Variants in PCYT1B observed in about 807,000 individuals in gnomAD.
The protein encoded by PCYT1B is choline-phosphate cytidylyltransferase B.
PCYT1B carries 10 observed loss-of-function variants against 26.4 expected under a neutral mutation model. The observed-to-expected ratio is 0.38, with a 90% confidence interval of 0.23 to 0.64. The LOEUF is 0.64. Ranked by LOEUF, PCYT1B falls within the 30% of genes least tolerant of loss-of-function variation. The pLI is 0.56. For synonymous variants in PCYT1B, 131 were observed against 108.4 expected (o/e 1.21, Z -1.29); for missense variants, 161 against 292.7 (o/e 0.55, Z 3.28).
intron 3 of PCYT1B, among the ~76,000 whole-genome samples, chrX:24,603,260 G>A (rs890877584): frequency 8.9e-6 from 1 of 112,150 alleles, no homozygotes; most frequent in Non-Finnish European, 1.9e-5. Context: ...GAAGCATTTT[G>A]GAAATCTGTG....
chrX:24,609,440 AT>A (rs747989711), intron 2 of PCYT1B, among the ~76,000 whole-genome samples: 1 of 112,121 alleles, frequency 8.9e-6, no homozygotes, highest in East Asian at 2.8e-4. Context: ...AAGTGCTGGG[AT>A]TACAGGCGTG....
At chrX:24,588,819 A>G (rs1400528244) in intron 4 of PCYT1B, among the ~76,000 whole-genome samples, 1 of 111,989 alleles carries the variant, frequency 8.9e-6, no homozygotes, top group Non-Finnish European at 1.9e-5. Context: ...ACCCCAGTTG[A>G]GAATCACTGG....
At chrX:24,569,373 G>A in intron 7 of PCYT1B, among the ~76,000 whole-genome samples, 1 of 111,091 alleles carries the variant, frequency 9.0e-6, no homozygotes, top group Admixed American at 9.6e-5. Context: ...GGCCACTATG[G>A]AAAACAGTAA....
At chrX:24,563,001 A>G (rs777995164) in intron 7 of PCYT1B, among the ~76,000 whole-genome samples, 112 of 111,625 alleles carry the variant, frequency 1.0e-3, no homozygotes, top group African/African-American at 3.4e-3. Flanking sequence ...TGCTGGGATT[A>G]CAGGCGTGAG....
chrX:24,634,037 C>T (rs1006490910), intron 1 of PCYT1B, among the ~76,000 whole-genome samples: 3 of 110,842 alleles, frequency 2.7e-5, no homozygotes, highest in Admixed American at 9.7e-5. Flanking sequence ...GATCCTCTTG[C>T]GTCAGCCTCC....
At chrX:24,635,928 G>T (rs1369091573) in intron 1 of PCYT1B, among the ~76,000 whole-genome samples, 1 of 112,004 alleles carries the variant, frequency 8.9e-6, no homozygotes, top group African/African-American at 3.2e-5. Context: ...AGGTACTCTT[G>T]CTACCTAACC....
intron 1 of PCYT1B, among the ~76,000 whole-genome samples, chrX:24,631,752 G>A (rs1191872981): frequency 8.9e-6 from 1 of 111,895 alleles, no homozygotes; most frequent in Non-Finnish European, 1.9e-5. Context: ...GATCACCTGA[G>A]GTCAGGAGTT....
At chrX:24,587,598 C>T (rs1277051618) in intron 4 of PCYT1B, among the ~76,000 whole-genome samples, 2 of 111,779 alleles carry the variant, frequency 1.8e-5, no homozygotes, top group African/African-American at 6.5e-5. Flanking sequence ...GTCTTCTGTC[C>T]TTCTGCATCT....
chrX:24,651,537 CT>C (rs372116194), upstream of PCYT1B, among the ~76,000 whole-genome samples: 999 of 58,387 alleles, frequency 0.017, 13 homozygotes, highest in Non-Finnish European at 0.021. Flanking sequence ...ATATATTATT[CT>C]TTTTTTTTTT....
intron 1 of PCYT1B, among the ~76,000 whole-genome samples, chrX:24,624,493 C>G (rs2148258482): frequency 8.9e-6 from 1 of 111,951 alleles, no homozygotes; most frequent in South Asian, 3.7e-4. Context: ...TTCCCTTTTG[C>G]CTCTCCAGAA....
upstream of PCYT1B, chrX:24,647,371 T>G (rs1372040646): frequency 1.8e-5 from 13 of 742,652 alleles, no homozygotes; most frequent in African/African-American, 2.2e-5. Flanking sequence ...CGGGATACAG[T>G]ATCTCATTTG....
At chrX:24,630,773 GAAAAAGCACAGCATTT>G (rs1330435117) in intron 1 of PCYT1B, among the ~76,000 whole-genome samples, 1 of 112,158 alleles carries the variant, frequency 8.9e-6, no homozygotes, top group Non-Finnish European at 1.9e-5. Flanking sequence ...AGCTATTGAG[GAAAAAGCACAGCATTT>G]TCCTGATGCT....
intron 1 of PCYT1B, among the ~76,000 whole-genome samples, chrX:24,629,559 CAAAAAAAA>C (rs1165553186): frequency 1.2e-4 from 2 of 16,100 alleles, no homozygotes; most frequent in Non-Finnish European, 2.1e-4. Flanking sequence ...GACCCTGTCT[CAAAAAAAA>C]AAAAAAAAAA....
chrX:24,586,682 T>C (rs1420849514), intron 5 of PCYT1B, among the ~76,000 whole-genome samples: 3 of 112,266 alleles, frequency 2.7e-5, no homozygotes, highest in Non-Finnish European at 3.8e-5. Flanking sequence ...ATAGATGAGA[T>C]GCATGGTAGA....
At chrX:24,623,982 T>C (rs1602188817) in intron 1 of PCYT1B, among the ~76,000 whole-genome samples, 1 of 101,580 alleles carries the variant, frequency 9.8e-6, no homozygotes, top group African/African-American at 3.6e-5. Flanking sequence ...TTTTTTTTTT[T>C]TTTTTTTGAG....
At chrX:24,651,472 A>AAAAAAAAT (rs1555965467), upstream of PCYT1B, among the ~76,000 whole-genome samples, 33 of 26,039 alleles carry the variant, frequency 1.3e-3, no homozygotes, top group Non-Finnish European at 1.7e-3. Flanking sequence ...AAAAAAAAAA[A>AAAAAAAAT]ATATATATAT....
intron 1 of PCYT1B, among the ~76,000 whole-genome samples, chrX:24,667,641 C>T (rs1483375764): frequency 3.7e-5 from 4 of 109,408 alleles, no homozygotes; most frequent in Non-Finnish European, 3.8e-5. Context: ...CGCTTGAACC[C>T]GGGAGATGGA....
chrX:24,656,083 C>G (rs1474776050), intron 1 of PCYT1B, among the ~76,000 whole-genome samples: 13 of 86,422 alleles, frequency 1.5e-4, no homozygotes, highest in African/African-American at 5.7e-4. Flanking sequence ...GAGCCAAGAT[C>G]GCGTCATTGC....
chrX:24,620,133 C>T (rs1362117790), intron 1 of PCYT1B, among the ~76,000 whole-genome samples: 1 of 112,227 alleles, frequency 8.9e-6, no homozygotes, highest in African/African-American at 3.2e-5. Flanking sequence ...AACCTGGGGA[C>T]ACTAGACTGA....
Sources: allele counts gnomAD v4.1 joint callset (sites outside exome capture counted in the v4.1 genomes callset), GRCh38; gene constraint gnomAD v4.1.1; transcripts MANE v1.5; gene names NCBI Gene and HGNC (gene_info 2026-07-23, HGNC 2026-07-21).